ABCA12: variants seen among roughly 807,000 people sequenced by gnomAD.
ABCA12 encodes glucosylceramide transporter ABCA12.
ABCA12 carries 156 observed loss-of-function variants against 293.5 expected under a neutral mutation model. The ratio of observed to expected loss-of-function variants is 0.53; its 90% confidence interval spans 0.47 to 0.61. The LOEUF is 0.61. Ranked by LOEUF, ABCA12 falls within the 20% of genes least tolerant of loss-of-function variation. ABCA12 has a pLI of 0.00. For missense variants in ABCA12, 2,797 were observed against 3,090.2 expected (o/e 0.91, Z 2.25); for synonymous variants, 1,063 against 1,108.0 (o/e 0.96, Z 0.81).
chr2:214,937,534 C>T lies in ABCA12; in HGVS notation c.7518G>A (p.Leu2506=). 6.2e-7 allele frequency: 1 copy of T among 1,613,710 alleles called. No homozygotes were observed. Among genetic ancestry groups the T allele is most frequent in the Non-Finnish European group, 8.5e-7 (1 of 1,179,720 alleles). ...CTTTTAAGTATGTTTTTGGAAAGTG[C>T]AGCTGCATGAACTTTGTGAGGGTCT... ...TMETLTKFMQ[L]HFPKTYLKDQ... The change falls in exon 51 of 53, where the codon CTG becomes CTA. Residue 2506 remains leucine, a synonymous_variant. Transcript: ENST00000272895.
chr2:215,011,831 T>C lies in ABCA12; in HGVS notation c.2121+140A>G, dbSNP rs549108763. The C allele has an allele frequency of 2.0e-5, 23 of 1,170,504 alleles. No homozygotes were observed. The South Asian group carries it at 2.9e-4, about 15-fold the overall frequency. 72.5% of individuals were successfully genotyped at this position (1,170,504 alleles called of 1,614,324 possible). On this transcript the variant is annotated intron_variant, in intron 16 of 52. Coordinates refer to ENST00000272895, the MANE Select transcript of ABCA12 (RefSeq NM_173076.3). ...CTTCACTAATTAAAGTGGCAAAAAG[T>C]GTTGCTAGGTAGAAGAGTTTTCTTG...
At chr2:215,125,478 C>T (rs878964927) in intron 1 of ABCA12, among the ~76,000 whole-genome samples, 1 of 152,046 alleles carries the variant, frequency 6.6e-6, no homozygotes, top group South Asian at 2.1e-4. Flanking sequence ...TTTATTTCAG[C>T]AGTGTTTCCT....
intron 22 of ABCA12, among the ~76,000 whole-genome samples, chr2:214,998,752 C>G (rs1304226137): frequency 6.6e-6 from 1 of 152,190 alleles, no homozygotes; most frequent in African/African-American, 2.4e-5. Flanking sequence ...TTTTAAACAA[C>G]TTCCCAGGTG....
At chr2:215,132,901 T>C (rs2105919316) in intron 1 of ABCA12, among the ~76,000 whole-genome samples, 1 of 152,116 alleles carries the variant, frequency 6.6e-6, no homozygotes, top group South Asian at 2.1e-4. Context: ...CCTTTGAAAA[T>C]TTCTTGTAGG....
At chr2:214,976,176 G>A (rs1052884491) in intron 33 of ABCA12, 139 bp from the exon 34 acceptor site, 3 of 1,225,438 alleles carry the variant, frequency 2.4e-6, no homozygotes, top group East Asian at 2.5e-5. Context: ...GTTCAGCAAT[G>A]TTATTTCTCA....
chr2:214,959,217 G>A, intron 39 of ABCA12, 139 bp from the exon 40 acceptor site: 3 of 768,838 alleles, frequency 3.9e-6, no homozygotes, highest in South Asian at 1.6e-5. Flanking sequence ...TTTTTTTAAA[G>A]GAAAATTATT....
chr2:215,020,401 GA>G (rs1481392998), intron 11 of ABCA12, among the ~76,000 whole-genome samples: 1 of 152,054 alleles, frequency 6.6e-6, no homozygotes, highest in Non-Finnish European at 1.5e-5. Flanking sequence ...TATGCTAAGT[GA>G]AATAAGCCAG....
At chr2:215,082,130 C>T (rs948460959) in intron 2 of ABCA12, among the ~76,000 whole-genome samples, 3 of 148,546 alleles carry the variant, frequency 2.0e-5, no homozygotes, top group Admixed American at 1.4e-4. Flanking sequence ...CTGCAACCTC[C>T]ACCTCCTGGG....
rs188687885 is a variant in ABCA12, at chr2:214,959,841, G to A, written c.5885-763C>T. On this transcript the variant is annotated intron_variant, in intron 39 of 52. Coordinates refer to ENST00000272895, the MANE Select transcript of ABCA12 (RefSeq NM_173076.3). ...GGGGACCTTGGTTAGCCAAAGTCAA[G>A]AATGAGCTGTCAACAGTTTCCCAAA... Among the ~76,000 whole-genome samples, 6 of 152,242 alleles carry A rather than the reference G, an allele frequency of 3.9e-5. No homozygotes were observed. In the East Asian group the frequency reaches 1.2e-3, roughly 29 times the overall value.
At chr2:215,075,970 A>G (rs558667406) in intron 2 of ABCA12, among the ~76,000 whole-genome samples, 1 of 152,188 alleles carries the variant, frequency 6.6e-6, no homozygotes, top group South Asian at 2.1e-4. Context: ...CTGGTTCCAG[A>G]TCCTATCACT....
chr2:214,973,637 T>G (rs7583785), intron 36 of ABCA12, among the ~76,000 whole-genome samples: 152,156 of 152,226 alleles, frequency 1, 76,043 homozygotes, highest in Middle Eastern at 1. Flanking sequence ...AGTTATGGTC[T>G]CATTTTTTCC....
chr2:214,987,832 G>T, intron 26 of ABCA12, 39 bp from the exon 27 acceptor site: 2 of 1,604,754 alleles, frequency 1.2e-6, no homozygotes, highest in South Asian at 2.2e-5. Context: ...AGTTTTAGTT[G>T]ACTGTTAACA....
chr2:214,968,687 G>A (rs1425591152), intron 38 of ABCA12, 33 bp downstream of exon 38: 2 of 1,582,364 alleles, frequency 1.3e-6, no homozygotes, highest in African/African-American at 1.3e-5. Context: ...CTTCTCATTT[G>A]TATAACATTC....
intron 8 of ABCA12, among the ~76,000 whole-genome samples, chr2:215,035,598 G>A (rs1207578568): frequency 6.7e-6 from 1 of 150,300 alleles, no homozygotes; most frequent in Non-Finnish European, 1.5e-5. Context: ...CTGGGAAGCG[G>A]AGGTTACGGT....
chr2:215,062,417 T>C (rs1014826353), intron 3 of ABCA12, among the ~76,000 whole-genome samples: 5 of 152,044 alleles, frequency 3.3e-5, no homozygotes, highest in Non-Finnish European at 7.4e-5. Context: ...TGTATATGCC[T>C]AGAACTGTGC....
intron 8 of ABCA12, 91 bp from the exon 9 acceptor site, chr2:215,031,987 G>C (rs1391758574): frequency 1.3e-6 from 2 of 1,596,002 alleles, no homozygotes; most frequent in Non-Finnish European, 1.7e-6. Context: ...TCAAATTAAT[G>C]AGGAGAAAAT....
chr2:215,000,685 C>T lies in ABCA12; in HGVS notation c.3179+20G>A. On this transcript the variant is annotated intron_variant, in intron 22 of 52. Transcript: ENST00000272895. ...GAAAAGTTGTTGATCATTAAAAAGGCTGGAAGTGCACACACTTACTTGTCT... is the reference window on the plus strand; with the variant it reads ...GAAAAGTTGTTGATCATTAAAAAGGTTGGAAGTGCACACACTTACTTGTCT... 6.2e-7 allele frequency: 1 copy of T among 1,613,262 alleles called. No individual in the cohort carries two copies. The highest frequency in any genetic ancestry group is 8.5e-7 in the Non-Finnish European group (1 of 1,179,802).
chr2:215,049,516 A>T (rs1038886189), intron 6 of ABCA12, 110 bp downstream of exon 6: 1 of 1,070,372 alleles, frequency 9.3e-7, no homozygotes, highest in Admixed American at 2.0e-5. Flanking sequence ...TGAGGAAAAC[A>T]TGCCTAAGGT....
At chr2:215,036,779 C>T (rs1701003698) in intron 8 of ABCA12, among the ~76,000 whole-genome samples, 174 bp downstream of exon 8, 1 of 152,070 alleles carries the variant, frequency 6.6e-6, no homozygotes, top group South Asian at 2.1e-4. Context: ...TCTTCTTGGC[C>T]ATTTCTCCCT....
Sources: allele counts gnomAD v4.1 joint callset (sites outside exome capture counted in the v4.1 genomes callset), GRCh38; gene constraint gnomAD v4.1.1; transcripts MANE v1.5; gene names NCBI Gene and HGNC (gene_info 2026-07-23, HGNC 2026-07-21).